The following ST8SIA1 variants were observed in gnomAD, a reference collection of about 807,000 sequenced individuals.
The protein encoded by ST8SIA1 is ST8 alpha-N-acetyl-neuraminide alpha-2,8-sialyltransferase 1.
ST8SIA1 carries 16 observed loss-of-function variants against 35.9 expected under a neutral mutation model. The ratio of observed to expected loss-of-function variants is 0.45; its 90% CI spans 0.30 to 0.68. ST8SIA1 has a LOEUF of 0.68. Among genes scored for constraint, ST8SIA1 ranks in the 30% least tolerant of loss-of-function variants. The pLI, the probability that ST8SIA1 is intolerant of heterozygous loss-of-function variation, is 0.09. For synonymous variants in ST8SIA1, 170 were observed against 169.6 expected (o/e 1.00, Z -0.02); for missense variants, 383 against 453.6 (o/e 0.84, Z 1.41).
At chr12:22,263,651 T>C (rs1288646395) in intron 2 of ST8SIA1, among the ~76,000 whole-genome samples, 1 of 151,940 alleles carries the variant, frequency 6.6e-6, no homozygotes, top group Non-Finnish European at 1.5e-5. Context: ...TTTGTTGTTC[T>C]TGTTTGTGTG....
chr12:22,198,444 C>T lies in ST8SIA1; in HGVS notation c.*3108G>A, dbSNP rs1054889287. On this transcript the variant is annotated 3_prime_UTR_variant, in exon 5 of 5. Transcript: ENST00000396037. Reference sequence around the variant, plus strand: ...CTTAATAATAGAGTATTCCAGAGCACTCTACAGGATGATTCTAGCGAGGTC... The same window carrying T: ...CTTAATAATAGAGTATTCCAGAGCATTCTACAGGATGATTCTAGCGAGGTC... The T allele has an allele frequency of 1.3e-5, 2 of 151,422 alleles. No individual in the cohort carries two copies. Among genetic ancestry groups the T allele is most frequent in the Non-Finnish European group, 2.9e-5 (2 of 67,876 alleles). The allele number at this position is 151,422 out of a possible 1,614,324, so 9.4% of individuals were successfully genotyped here.
intron 1 of ST8SIA1, among the ~76,000 whole-genome samples, chr12:22,301,427 A>G (rs1379920353): frequency 7.8e-6 from 1 of 127,402 alleles, no homozygotes; most frequent in Non-Finnish European, 1.9e-5. Flanking sequence ...GAGTAAAGGA[A>G]ACTTTTTTTT....
At chr12:22,326,672 G>A (rs935069350) in intron 1 of ST8SIA1, among the ~76,000 whole-genome samples, 3 of 152,126 alleles carry the variant, frequency 2.0e-5, no homozygotes, top group Non-Finnish European at 2.9e-5. Flanking sequence ...AAGTGAGGAT[G>A]GTTATGGAGT....
At position 22,334,051 on chromosome 12, in the gene ST8SIA1, A is replaced by AC; in HGVS notation, c.181dup (p.Val61GlyfsTer36). 1 of 1,610,166 alleles carries AC rather than the reference A, an allele frequency of 6.2e-7. No individual in the cohort carries two copies. The highest frequency in any genetic ancestry group is 8.5e-7 in the Non-Finnish European group (1 of 1,179,238). ...CCTCCACGCCGTGCCCTGTTGCAGC[A>AC]CCCCCTGCACGATCTCTTTCTCGTT... On this transcript the variant is annotated frameshift_variant, in exon 1 of 5. Coordinates refer to ENST00000396037, the MANE Select transcript of ST8SIA1 (RefSeq NM_003034.4). LOFTEE classifies it high-confidence loss of function.
intron 1 of ST8SIA1, among the ~76,000 whole-genome samples, chr12:22,304,701 A>G (rs68076910): frequency 1.3e-5 from 2 of 152,198 alleles, no homozygotes; most frequent in South Asian, 4.1e-4. Flanking sequence ...GTTTAAAAAA[A>G]CCTTTTTTAA....
Position 22,202,006 on chromosome 12 carries a change from A to G in ST8SIA1, c.617T>C (p.Phe206Ser). The change falls in exon 5 of 5, where the codon TTT becomes TCT. Residue 206 changes from phenylalanine to serine, a missense_variant. By Grantham distance (155) the Phe-to-Ser change is radical. Transcript: ENST00000396037. The part of the protein sequence containing the change: ...FQNLLWSRKT[F>S]VDNMKIYNHS... ...GTTATAAATTTTCATGTTGTCCACA[A>G]ATGTCTTTCTGGACCACAGAAGGTT... is the stretch of plus-strand genomic sequence containing the variant. The G allele has an allele frequency of 6.2e-7, 1 of 1,611,750 alleles. No homozygotes were observed. Among genetic ancestry groups the G allele is most frequent in the Non-Finnish European group, 8.5e-7 (1 of 1,179,306 alleles).
At chr12:22,312,599 C>T (rs777952567) in intron 1 of ST8SIA1, among the ~76,000 whole-genome samples, 26 of 151,482 alleles carry the variant, frequency 1.7e-4, no homozygotes, top group Admixed American at 9.2e-4. Context: ...GACTTGGCTA[C>T]GATTTTCAAT....
At chr12:22,213,778 A>G (rs1238347552) in intron 4 of ST8SIA1, among the ~76,000 whole-genome samples, 1 of 152,212 alleles carries the variant, frequency 6.6e-6, no homozygotes, top group Non-Finnish European at 1.5e-5. Flanking sequence ...TAGCATGTGA[A>G]TAGTCCATGG....
At chr12:22,261,269 C>T (rs955575936) in intron 2 of ST8SIA1, among the ~76,000 whole-genome samples, 7 of 152,088 alleles carry the variant, frequency 4.6e-5, no homozygotes, top group Non-Finnish European at 7.4e-5. Flanking sequence ...CTCAGCCTCC[C>T]GTGTAGCTGG....
chr12:22,239,253 T>C (rs1182866681), intron 4 of ST8SIA1, among the ~76,000 whole-genome samples: 1 of 152,228 alleles, frequency 6.6e-6, no homozygotes, highest in Admixed American at 6.5e-5. Context: ...TTTTTACTTA[T>C]GGATCACATT....
At chr12:22,287,430 A>G (rs1866114197) in intron 1 of ST8SIA1, 137 bp from the exon 2 acceptor site, 2 of 718,404 alleles carry the variant, frequency 2.8e-6, no homozygotes, top group Admixed American at 3.1e-5. Flanking sequence ...CAGGGTGATT[A>G]GACTACTATT....
At chr12:22,258,545 G>A (rs192189419) in intron 2 of ST8SIA1, among the ~76,000 whole-genome samples, 18 of 152,122 alleles carry the variant, frequency 1.2e-4, no homozygotes, top group African/African-American at 3.6e-4. Flanking sequence ...GATTAAGTAA[G>A]ACAACAGCTG....
chr12:22,332,064 T>G (rs1480878309), intron 1 of ST8SIA1, among the ~76,000 whole-genome samples: 1 of 152,240 alleles, frequency 6.6e-6, no homozygotes, highest in Non-Finnish European at 1.5e-5. Flanking sequence ...GTTTATCTAG[T>G]CACAGCATAC....
chr12:22,242,892 T>A (rs1267073665), intron 4 of ST8SIA1, among the ~76,000 whole-genome samples: 1 of 152,114 alleles, frequency 6.6e-6, no homozygotes, highest in Non-Finnish European at 1.5e-5. Context: ...GCAAAGCCCT[T>A]TCTAATCTTA....
At chr12:22,329,304 A>G (rs1413944999) in intron 1 of ST8SIA1, among the ~76,000 whole-genome samples, 1 of 152,194 alleles carries the variant, frequency 6.6e-6, no homozygotes, top group African/African-American at 2.4e-5. Context: ...ATCCTCATCT[A>G]TAAAACAAGG....
chr12:22,226,696 G>A lies in ST8SIA1; in HGVS notation c.584+22310C>T, dbSNP rs553877414. ...GGAAATATTAAGGGGTTTACTTTCT[G>A]CACTGTAACTCTGCTCTTTGCAACA... On this transcript the variant is annotated intron_variant, in intron 4 of 4. Coordinates refer to ENST00000396037, the MANE Select transcript of ST8SIA1 (RefSeq NM_003034.4). Among the ~76,000 whole-genome samples the A allele has an allele frequency of 8.2e-4, 125 of 151,594 alleles. 2 individuals carry two copies. Among genetic ancestry groups the A allele is most frequent in the African/African-American group, 2.9e-3 (121 of 41,298 alleles).
chr12:22,292,443 T>C (rs191653197), intron 1 of ST8SIA1, among the ~76,000 whole-genome samples: 2 of 152,310 alleles, frequency 1.3e-5, no homozygotes, highest in East Asian at 3.9e-4. Context: ...GTATCCCCAT[T>C]TCCTGAAATG....
At chr12:22,299,730 T>C (rs1229655807) in intron 1 of ST8SIA1, among the ~76,000 whole-genome samples, 5 of 152,096 alleles carry the variant, frequency 3.3e-5, no homozygotes, top group Non-Finnish European at 7.4e-5. Context: ...TTATAGGAGA[T>C]TTTAATTTTT....
At chr12:22,303,846 CCACACACACA>C (rs61596419) in intron 1 of ST8SIA1, among the ~76,000 whole-genome samples, 46 of 140,782 alleles carry the variant, frequency 3.3e-4, no homozygotes, top group Middle Eastern at 3.7e-3. Context: ...CACCACCCTG[CCACACACACA>C]CACACACACA....
Sources: allele counts gnomAD v4.1 joint callset (sites outside exome capture counted in the v4.1 genomes callset), GRCh38; gene constraint gnomAD v4.1.1; transcripts MANE v1.5; gene names NCBI Gene and HGNC (gene_info 2026-07-23, HGNC 2026-07-21).